The following MED13 variants were observed in gnomAD, a reference collection of about 807,000 sequenced individuals.
MED13 encodes the protein mediator of RNA polymerase II transcription subunit 13.
A neutral mutation model predicts 225.2 loss-of-function variants in MED13; 23 were observed. That is an observed-to-expected ratio of 0.10 (90% confidence interval 0.07 to 0.14). The LOEUF is 0.14. Ranked by LOEUF, MED13 falls within the 10% of genes least tolerant of loss-of-function variation. MED13 has a pLI of 1.00. For synonymous variants in MED13, 942 were observed against 889.2 expected (o/e 1.06, Z -1.06); for missense variants, 2,197 against 2,594.5 (o/e 0.85, Z 3.33).
At chr17:62,032,860 C>T (rs945080587) in intron 5 of MED13, among the ~76,000 whole-genome samples, 1 of 152,166 alleles carries the variant, frequency 6.6e-6, no homozygotes, top group African/African-American at 2.4e-5. Context: ...AAAAATCTGA[C>T]CCTTTTAGGC....
At chr17:62,044,145 C>T (rs1231414654) in intron 3 of MED13, among the ~76,000 whole-genome samples, 3 of 151,152 alleles carry the variant, frequency 2.0e-5, no homozygotes, top group East Asian at 1.9e-4. Flanking sequence ...TTGGAGAGCA[C>T]GAGATAATGT....
chr17:61,981,439 A>C (rs769906275), intron 16 of MED13, among the ~76,000 whole-genome samples: 32 of 150,440 alleles, frequency 2.1e-4, no homozygotes, highest in Non-Finnish European at 3.5e-4. Context: ...GGTCTATAAG[A>C]CTCTAAATGA....
At chr17:62,064,359 G>A (rs1311618771) in intron 1 of MED13, among the ~76,000 whole-genome samples, 1 of 152,090 alleles carries the variant, frequency 6.6e-6, no homozygotes, top group East Asian at 1.9e-4. Context: ...CCTACATCCC[G>A]CTTCTCTCGA....
intron 19 of MED13, among the ~76,000 whole-genome samples, chr17:61,965,992 G>A (rs1231170701): frequency 6.6e-6 from 1 of 151,878 alleles, no homozygotes; most frequent in Non-Finnish European, 1.5e-5. Context: ...ATACAGTTAG[G>A]CACGGGTAGA....
intron 2 of MED13, among the ~76,000 whole-genome samples, chr17:62,062,111 C>A (rs1214491832): frequency 6.6e-6 from 1 of 152,126 alleles, no homozygotes; most frequent in Admixed American, 6.5e-5. Flanking sequence ...ACAAAAACTT[C>A]AGAGTACTCA....
chr17:61,976,060 G>A (rs1234054815), intron 16 of MED13, among the ~76,000 whole-genome samples: 3 of 152,022 alleles, frequency 2.0e-5, no homozygotes, highest in Admixed American at 2.0e-4. Flanking sequence ...ATATGACTCA[G>A]TGAATCCACT....
At chr17:62,062,477 A>C (rs983795177) in intron 2 of MED13, among the ~76,000 whole-genome samples, 1 of 152,218 alleles carries the variant, frequency 6.6e-6, no homozygotes, top group African/African-American at 2.4e-5. Flanking sequence ...TATGTTTGAC[A>C]GAACAGTATA....
At chr17:62,013,363 G>A (rs912180461) in intron 8 of MED13, among the ~76,000 whole-genome samples, 1 of 152,056 alleles carries the variant, frequency 6.6e-6, no homozygotes, top group East Asian at 1.9e-4. Flanking sequence ...TTAATTCTGG[G>A]AATGTATGGT....
intron 9 of MED13, 121 bp from the exon 10 acceptor site, chr17:61,995,486 T>C: frequency 1.6e-6 from 1 of 637,284 alleles, no homozygotes; most frequent in East Asian, 3.1e-5. Context: ...CAATCCCTTA[T>C]TTCAGAAATG....
intron 10 of MED13, among the ~76,000 whole-genome samples, chr17:61,994,567 C>T (rs2080331507): frequency 6.6e-6 from 1 of 152,140 alleles, no homozygotes; most frequent in Non-Finnish European, 1.5e-5. Flanking sequence ...AATAGCCTAC[C>T]TAAATGTCCT....
intron 3 of MED13, among the ~76,000 whole-genome samples, chr17:62,044,456 A>T (rs1050009089): frequency 2.0e-5 from 3 of 152,056 alleles, no homozygotes; most frequent in African/African-American, 7.2e-5. Context: ...AAAATTTATC[A>T]CTCTCTATGG....
At chr17:61,975,296 T>C (rs2080144566) in intron 16 of MED13, among the ~76,000 whole-genome samples, 1 of 151,976 alleles carries the variant, frequency 6.6e-6, no homozygotes, top group African/African-American at 2.4e-5. Flanking sequence ...GGGCAAAAAA[T>C]CTGAAAAGTC....
chr17:62,055,169 T>G (rs1156906396), intron 2 of MED13, among the ~76,000 whole-genome samples: 2 of 151,998 alleles, frequency 1.3e-5, no homozygotes, highest in Admixed American at 1.3e-4. Flanking sequence ...CCAAGGCAAG[T>G]GGACCACTTG....
rs1396175724 is a variant in MED13, at chr17:61,985,044, C to T, written c.2432G>A (p.Cys811Tyr). The change falls in exon 13 of 30, where the codon TGC becomes TAC. Residue 811 changes from cysteine (C) to tyrosine (Y), a missense_variant. Around this residue, in one of 12 missense-constraint regions of MED13, gnomAD observed 41 missense variants for 55.8 expected, o/e 0.73. Transcript: ENST00000397786. ...CAGATTTCCTGTCTTTGATTCCTTG[C>T]AGCTGGCTTTATCATCTGATCCATT... is the stretch of plus-strand genomic sequence containing the variant. ...SANGSDDKAS[C>Y]KESKTGNLDP... is the part of the protein sequence containing the mutation. 3 of 1,613,956 alleles carry T rather than the reference C, an allele frequency of 1.9e-6. No homozygotes were observed. Among genetic ancestry groups the T allele is most frequent in the Admixed American group, 1.7e-5 (1 of 60,006 alleles).
At chr17:62,052,176 G>A (rs1035134741) in intron 3 of MED13, among the ~76,000 whole-genome samples, 6 of 152,084 alleles carry the variant, frequency 3.9e-5, no homozygotes, top group Non-Finnish European at 8.8e-5. Context: ...CTTAACAGGT[G>A]TTGTTACTTA....
rs548442653 is a variant in MED13 at position 61,992,529 on chromosome 17, A to G, written c.2263+11T>C. On this transcript the variant is annotated intron_variant, in intron 11 of 29. Transcript: ENST00000397786. Reference sequence around the variant, plus strand: ...GAATGCAATATTTTCATTAGGAAATAAAGATTTTACCTTGCTTGATAGAGG... The same window carrying G: ...GAATGCAATATTTTCATTAGGAAATGAAGATTTTACCTTGCTTGATAGAGG... The G allele has an allele frequency of 3.8e-6, 6 of 1,568,332 alleles. No individual in the cohort carries two copies. The Admixed American group carries it at 5.0e-5, about 13-fold the overall frequency.
At chr17:61,997,354 G>C (rs1422841930) in intron 9 of MED13, among the ~76,000 whole-genome samples, 1 of 152,100 alleles carries the variant, frequency 6.6e-6, no homozygotes, top group African/African-American at 2.4e-5. Flanking sequence ...TATAATGCTA[G>C]CACACTGTCA....
rs1378627223 is a variant in MED13, at chr17:62,010,933, T to C, written c.1584A>G (p.Ala528=). ...KTPQMHGTEM[A]NSPQPPPLSP... ...TAAGTGGGGGTGGTTGAGGTGAATT[T>C]GCCATTTCGGTGCCATGCATCTGAG... The change falls in exon 9 of 30, where the codon GCA becomes GCG. Residue 528 remains alanine (A), a synonymous_variant. Coordinates refer to ENST00000397786, the MANE Select transcript of MED13 (RefSeq NM_005121.3). 3 of 1,612,454 alleles carry C rather than the reference T, an allele frequency of 1.9e-6. No individual in the cohort carries two copies. In the Admixed American group the frequency reaches 5.0e-5, roughly 27 times the overall value.
chr17:62,035,366 CA>C (rs1170664435), intron 4 of MED13, 96 bp downstream of exon 4: 8 of 1,010,430 alleles, frequency 7.9e-6, no homozygotes, highest in South Asian at 4.0e-5. Context: ...GGCTAAAGAT[CA>C]GGGGGAATTC....
Sources: allele counts gnomAD v4.1 joint callset (sites outside exome capture counted in the v4.1 genomes callset), GRCh38; gene constraint gnomAD v4.1.1; regional missense constraint gnomAD v4.1.1; transcripts MANE v1.5; gene names NCBI Gene and HGNC (gene_info 2026-07-23, HGNC 2026-07-21).